Variants in SPX observed in about 807,000 individuals in gnomAD.
The protein encoded by SPX is spexin hormone, also known as spexin.
Under a neutral mutation model 19.2 loss-of-function variants are expected in SPX, and 22 were observed. The ratio of observed to expected loss-of-function variants is 1.15; its 90% CI spans 0.82 to 1.64. The LOEUF (loss-of-function observed/expected upper bound fraction) is 1.64, where lower values mean the gene tolerates loss of function less well. SPX is among the 40% of genes most tolerant of loss of function. SPX has a pLI of 0.00. For synonymous variants in SPX, 50 were observed against 53.3 expected, an observed-to-expected ratio of 0.94 and a Z score of 0.27; for missense variants, 143 against 137.7, an observed-to-expected ratio of 1.04 and a Z score of -0.19.
chr12:21,528,975 A>T (rs1257831923), intron 4 of SPX, 26 bp from the exon 5 acceptor site: 1 of 1,575,910 alleles, frequency 6.3e-7, no homozygotes, highest in South Asian at 1.1e-5. Flanking sequence ...TGCTAAGAGA[A>T]TCTGTATACA....
chr12:21,527,811 G>A (rs1289813131), intron 4 of SPX, 22 bp downstream of exon 4: 1 of 1,565,936 alleles, frequency 6.4e-7, no homozygotes, highest in East Asian at 2.3e-5. Context: ...AGGGTGCAAG[G>A]GCGCTAGTCC....
Position 21,532,680 on chromosome 12 carries a change from T to C in SPX, c.*1485T>C, listed in dbSNP as rs1011487480. The C allele has an allele frequency of 6.6e-6, 1 of 152,206 alleles. No homozygotes were observed. The highest frequency in any genetic ancestry group is 2.4e-5 in the African/African-American group (1 of 41,456). The allele number at this position is 152,206 out of a possible 1,614,324, so 9.4% of individuals were successfully genotyped here. ...TTAGGAGGGGTGGGACATTAAAAAT[T>C]ATTTACCCATCAGACATAAAATTGT... On this transcript the variant is annotated 3_prime_UTR_variant, in exon 6 of 6. Transcript: ENST00000256969.
intron 5 of SPX, among the ~76,000 whole-genome samples, chr12:21,529,977 T>C (rs1191769123): frequency 6.6e-6 from 1 of 152,208 alleles, no homozygotes; most frequent in Non-Finnish European, 1.5e-5. Flanking sequence ...AAGTGACTTA[T>C]AATGGACAAG....
rs778953663 is a variant in SPX, at chr12:21,531,303, C to T, written c.*108C>T. On this transcript the variant is annotated 3_prime_UTR_variant, in exon 6 of 6. Transcript: ENST00000256969. Reference sequence around the variant, plus strand: ...TTCCATTTGTAATCTTAAGAACACACACAGATAGTTTTATTCTTTCAGAAA... The same window carrying T: ...TTCCATTTGTAATCTTAAGAACACATACAGATAGTTTTATTCTTTCAGAAA... 1 of 757,144 alleles carries T rather than the reference C, an allele frequency of 1.3e-6. No individual in the cohort carries two copies. Among genetic ancestry groups the T allele is most frequent in the Non-Finnish European group, 2.1e-6 (1 of 485,412 alleles). 46.9% of individuals were successfully genotyped at this position (757,144 alleles called of 1,614,324 possible).
rs1943864098 is a variant in SPX at position 21,531,399 on chromosome 12, C to CA, written c.*209dup. 2.4e-6 allele frequency: 1 copy of CA among 411,232 alleles called. No individual in the cohort carries two copies. Among genetic ancestry groups the CA allele is most frequent in the Non-Finnish European group, 4.3e-6 (1 of 232,860 alleles). The allele number at this position is 411,232 out of a possible 1,614,324, so 25.5% of individuals were successfully genotyped here. A position where few individuals can be genotyped will look rare whatever the true frequency, so the allele number is the denominator to read the frequency against. ...TTGCTTCAGGTCCTGTTTAGATGAC[C>CA]AAAAATGTTTTCAGATCACCTTGTG... On this transcript the variant is annotated 3_prime_UTR_variant, in exon 6 of 6. Transcript: ENST00000256969.
chr12:21,530,621 C>T (rs1943855879), intron 5 of SPX, among the ~76,000 whole-genome samples: 1 of 152,276 alleles, frequency 6.6e-6, no homozygotes, highest in Non-Finnish European at 1.5e-5. Context: ...ATACCTCATG[C>T]TCTAAAGTTT....
rs1943865539 is a variant in SPX at position 21,531,535 on chromosome 12, T to TTTC, written c.*340_*341insTTC. On this transcript the variant is annotated 3_prime_UTR_variant, in exon 6 of 6. Coordinates refer to ENST00000256969, the MANE Select transcript of SPX (RefSeq NM_030572.4). ...TCTTGATCTTAGTTGTGTTTTTTTT[T>TTTC]CATTTTGTTACCCACTTGCATTTTG... 5.9e-6 allele frequency: 1 copy of TTTC among 168,890 alleles called. No homozygotes were observed. The highest frequency in any genetic ancestry group is 2.4e-5 in the African/African-American group (1 of 41,952). 10.5% of individuals were successfully genotyped at this position (168,890 alleles called of 1,614,324 possible).
At chr12:21,527,817 A>C in intron 4 of SPX, 28 bp downstream of exon 4, 1 of 1,561,238 alleles carries the variant, frequency 6.4e-7, no homozygotes, top group East Asian at 2.3e-5. Flanking sequence ...CAAGGGCGCT[A>C]GTCCTGCGCT....
chr12:21,529,636 C>A (rs1012178950), intron 5 of SPX, among the ~76,000 whole-genome samples: 10 of 152,162 alleles, frequency 6.6e-5, no homozygotes, highest in African/African-American at 1.9e-4. Context: ...GACTTCCCCC[C>A]ACCTCCTGCC....
chr12:21,531,117 A>G lies in SPX; in HGVS notation c.293-20A>G. 1 of 1,466,678 alleles carries G rather than the reference A, an allele frequency of 6.8e-7. No homozygotes were observed. Among genetic ancestry groups the G allele is most frequent in the Non-Finnish European group, 9.3e-7 (1 of 1,069,570 alleles). 90.9% of individuals were successfully genotyped at this position (1,466,678 alleles called of 1,614,324 possible). ...AACGCAGAGTGTATATTTATTTTAA[A>G]GAATTTTTTTTTCTTACAGATGAAG... On this transcript the variant is annotated intron_variant, in intron 5 of 5. Coordinates refer to ENST00000256969, the MANE Select transcript of SPX (RefSeq NM_030572.4).
rs1419367101 is a variant in SPX at position 21,526,897 on chromosome 12, T to A, written c.18T>A (p.Ser6Arg). MKGLR[S>R]LAATTLALFL... is the part of the protein sequence containing the mutation. ...ATCGCTTCATATAGGGACTCAGAAG[T>A]CTGGCAGCAACAACCTTGGCTCTTT... Residue 6 changes from serine (S) to arginine (R), a missense_variant, in exon 2 of 6, where the codon AGT becomes AGA. Coordinates refer to ENST00000256969, the MANE Select transcript of SPX (RefSeq NM_030572.4). The A allele has an allele frequency of 6.2e-7, 1 of 1,614,182 alleles. No individual in the cohort carries two copies. The highest frequency in any genetic ancestry group is 8.5e-7 in the Non-Finnish European group (1 of 1,180,022).
intron 4 of SPX, chr12:21,528,016 A>C: frequency 5.6e-6 from 3 of 537,694 alleles, no homozygotes; most frequent in Non-Finnish European, 1.0e-5. Flanking sequence ...CCCCGCGCCA[A>C]TGGTGGCAAG....
In SPX at chr12:21,531,219, T is replaced by A. The variant is rs976736574; in HGVS notation, c.*24T>A. The A allele has an allele frequency of 6.6e-7, 1 of 1,519,066 alleles. No homozygotes were observed. Among genetic ancestry groups the A allele is most frequent in the African/African-American group, 1.4e-5 (1 of 71,886 alleles). 94.1% of individuals were successfully genotyped at this position (1,519,066 alleles called of 1,614,324 possible). On this transcript the variant is annotated 3_prime_UTR_variant, in exon 6 of 6. Coordinates refer to ENST00000256969, the MANE Select transcript of SPX (RefSeq NM_030572.4). ...GAAAATATACTGGATTATGTTTAAT[T>A]ATGGTTCTATTCTCTTTGAAAACAT...
chr12:21,532,373 C>A lies in SPX; in HGVS notation c.*1178C>A, dbSNP rs1943873842. ...TGAATGTCTCTGTAACTTGGAATTGCAATTTCACTGTGTTAAGTAATCAGA... is the reference window on the plus strand; with the variant it reads ...TGAATGTCTCTGTAACTTGGAATTGAAATTTCACTGTGTTAAGTAATCAGA... On this transcript the variant is annotated 3_prime_UTR_variant, in exon 6 of 6. Coordinates refer to ENST00000256969, the MANE Select transcript of SPX (RefSeq NM_030572.4). 1 of 152,144 alleles carries A rather than the reference C, an allele frequency of 6.6e-6. No individual in the cohort carries two copies. The highest frequency in any genetic ancestry group is 1.5e-5 in the Non-Finnish European group (1 of 68,018). 9.4% of individuals were successfully genotyped at this position (152,144 alleles called of 1,614,324 possible). A position where few individuals can be genotyped will look rare whatever the true frequency, so the allele number is the denominator to read the frequency against.
chr12:21,531,110 A>G, intron 5 of SPX, 27 bp from the exon 6 acceptor site: 2 of 1,397,844 alleles, frequency 1.4e-6, no homozygotes, highest in Non-Finnish European at 2.0e-6. Flanking sequence ...GTGTATATTT[A>G]TTTTAAAGAA....
At position 21,526,443 on chromosome 12, in the gene SPX, T is replaced by C; in HGVS notation, c.-30T>C. 1 of 1,578,748 alleles carries C rather than the reference T, an allele frequency of 6.3e-7. No homozygotes were observed. The highest frequency in any genetic ancestry group is 8.7e-7 in the Non-Finnish European group (1 of 1,155,976). ...CGAAAACTCACAGATAAAGTTATAG[T>C]TATTTCAGGGTTCTGAAAAGACGCA... On this transcript the variant is annotated 5_prime_UTR_variant, in exon 1 of 6. Coordinates refer to ENST00000256969, the MANE Select transcript of SPX (RefSeq NM_030572.4).
At chr12:21,528,960 A>G (rs1943839418) in intron 4 of SPX, 41 bp from the exon 5 acceptor site, 1 of 1,536,288 alleles carries the variant, frequency 6.5e-7, no homozygotes, top group East Asian at 2.2e-5. Flanking sequence ...ACATCAATAT[A>G]TAAATGCTAA....
At position 21,531,238 on chromosome 12, in the gene SPX, A is replaced by G; in HGVS notation, c.*43A>G. On this transcript the variant is annotated 3_prime_UTR_variant, in exon 6 of 6. Transcript: ENST00000256969. Reference sequence around the variant, plus strand: ...TTTAATTATGGTTCTATTCTCTTTGAAAACATGAACCATGTGAATAAAACC... The same window carrying G: ...TTTAATTATGGTTCTATTCTCTTTGGAAACATGAACCATGTGAATAAAACC... The G allele has an allele frequency of 7.1e-7, 1 of 1,402,688 alleles. No homozygotes were observed. Among genetic ancestry groups the G allele is most frequent in the Non-Finnish European group, 9.8e-7 (1 of 1,016,628 alleles). 86.9% of individuals were successfully genotyped at this position (1,402,688 alleles called of 1,614,324 possible).
Position 21,526,393 on chromosome 12 carries a change from A to G in SPX, c.-80A>G. ...AGGTGCCCTTAACACCAAGATTTTA[A>G]AAGCTCCAATTTCAGAGCAAGAGTC... is the stretch of plus-strand genomic sequence containing the variant. On this transcript the variant is annotated 5_prime_UTR_variant, in exon 1 of 6. Transcript: ENST00000256969. The G allele has an allele frequency of 1.4e-6, 2 of 1,448,832 alleles. No homozygotes were observed. Among genetic ancestry groups the G allele is most frequent in the Non-Finnish European group, 9.4e-7 (1 of 1,058,494 alleles). The allele number at this position is 1,448,832 out of a possible 1,614,324, so 89.7% of individuals were successfully genotyped here.
Sources: gnomAD v4.1 joint callset for allele counts (sites outside exome capture counted in the v4.1 genomes callset) on GRCh38, gnomAD v4.1.1 for gene constraint, MANE v1.5 for transcripts, NCBI Gene and HGNC (gene_info 2026-07-23, HGNC 2026-07-21) for gene names.